CRKL: variants seen among roughly 807,000 people sequenced by gnomAD.
CRKL encodes crk-like protein.
Under a neutral mutation model 23.0 loss-of-function variants are expected in CRKL, and 3 were observed. That is an observed-to-expected ratio of 0.13 (90% CI 0.06 to 0.34). CRKL has a LOEUF of 0.34. Ranked by LOEUF, CRKL falls within the 10% of genes least tolerant of loss-of-function variation. CRKL has a pLI of 1.00. For synonymous variants in CRKL, 188 were observed against 160.7 expected, an observed-to-expected ratio of 1.17 and a Z score of -1.28; for missense variants, 256 against 394.5, an observed-to-expected ratio of 0.65 and a Z score of 2.97.
chr22:20,926,247 A>G (rs1204358027), intron 1 of CRKL, among the ~76,000 whole-genome samples: 2 of 152,240 alleles, frequency 1.3e-5, no homozygotes, highest in Non-Finnish European at 2.9e-5. Flanking sequence ...TGAGCTTAAC[A>G]ATGGGAGCCA....
At chr22:20,931,791 A>ATTTATT (rs1217551744) in intron 1 of CRKL, among the ~76,000 whole-genome samples, 2 of 152,056 alleles carry the variant, frequency 1.3e-5, no homozygotes, top group African/African-American at 4.8e-5. Context: ...CTTGCTAGCT[A>ATTTATT]TTTATTTTTA....
Position 20,951,876 on chromosome 22 carries a change from T to C in CRKL, c.*2031T>C, listed in dbSNP as rs1922293096. ...GTTTTCCTCTAAAAGCCTTGGAGAT[T>C]AGCCCTTCCTTGCCAGTGAGAACGG... On this transcript the variant is annotated 3_prime_UTR_variant, in exon 3 of 3. Transcript: ENST00000354336. 1.8e-5 allele frequency: 4 copies of C among 222,888 alleles called. 1 individual carries two copies. In the East Asian group the frequency reaches 2.6e-4, roughly 15 times the overall value. The allele number at this position is 222,888 out of a possible 1,614,324, so 13.8% of individuals were successfully genotyped here. A position where few individuals can be genotyped will look rare whatever the true frequency, so the allele number is the denominator to read the frequency against.
chr22:20,940,103 A>G (rs1319124132), intron 2 of CRKL, among the ~76,000 whole-genome samples: 2 of 152,106 alleles, frequency 1.3e-5, no homozygotes, highest in African/African-American at 4.8e-5. Context: ...GAATCTTTTA[A>G]AATCCTGGTT....
At chr22:20,922,411 T>C (rs1253312562) in intron 1 of CRKL, among the ~76,000 whole-genome samples, 1 of 152,106 alleles carries the variant, frequency 6.6e-6, no homozygotes. Flanking sequence ...TTATTTAAAG[T>C]GCTGTGGGCT....
At chr22:20,920,274 G>A (rs890527454) in intron 1 of CRKL, among the ~76,000 whole-genome samples, 11 of 152,084 alleles carry the variant, frequency 7.2e-5, no homozygotes, top group Non-Finnish European at 5.9e-5. Context: ...AAGCCAAGCC[G>A]GGCGAATCAC....
chr22:20,928,908 G>A (rs1049383978), intron 1 of CRKL, among the ~76,000 whole-genome samples: 1 of 151,612 alleles, frequency 6.6e-6, no homozygotes, highest in African/African-American at 2.4e-5. Flanking sequence ...GCATGCATAA[G>A]GAGATTTTAA....
intron 1 of CRKL, among the ~76,000 whole-genome samples, chr22:20,919,773 CTAAACTT>C (rs1486416506): frequency 6.6e-6 from 1 of 151,604 alleles, no homozygotes; most frequent in Non-Finnish European, 1.5e-5. Context: ...GGGTATTACT[CTAAACTT>C]TAAACATTAA....
chr22:20,948,719 C>CA (rs1652392369), intron 2 of CRKL, among the ~76,000 whole-genome samples: 1 of 152,130 alleles, frequency 6.6e-6, no homozygotes, highest in Admixed American at 6.5e-5. Flanking sequence ...CGGCTGGTCT[C>CA]AAACTCCTGG....
At chr22:20,933,728 C>G (rs1403230689) in intron 1 of CRKL, 51 bp from the exon 2 acceptor site, 1 of 1,463,218 alleles carries the variant, frequency 6.8e-7, no homozygotes, top group African/African-American at 1.4e-5. Flanking sequence ...TTGACAGGCA[C>G]TGGCTTAGAG....
At chr22:20,925,309 TTAGAC>T (rs1419822300) in intron 1 of CRKL, among the ~76,000 whole-genome samples, 1 of 151,836 alleles carries the variant, frequency 6.6e-6, no homozygotes, top group Non-Finnish European at 1.5e-5. Flanking sequence ...ATCTGAATGA[TTAGAC>T]TAGATTTCTG....
intron 1 of CRKL, 46 bp from the exon 2 acceptor site, chr22:20,933,733 T>C (rs1347332329): frequency 6.7e-7 from 1 of 1,501,518 alleles, no homozygotes; most frequent in Admixed American, 1.9e-5. Flanking sequence ...AGGCACTGGC[T>C]TAGAGTAAGA....
At chr22:20,949,465 G>A (rs1922187449) in intron 2 of CRKL, among the ~76,000 whole-genome samples, 1 of 152,176 alleles carries the variant, frequency 6.6e-6, no homozygotes, top group Non-Finnish European at 1.5e-5. Flanking sequence ...TAATGTGCAT[G>A]GTGGTGCACG....
Position 20,949,962 on chromosome 22 carries a change from T to C in CRKL, c.*117T>C, listed in dbSNP as rs747678003. ...ACTGCATTGCCGAAGTCCAGCTTTC[T>C]GCAGACTGGCAGTCGCACACACATT... On this transcript the variant is annotated 3_prime_UTR_variant, in exon 3 of 3. Coordinates refer to ENST00000354336, the MANE Select transcript of CRKL (RefSeq NM_005207.4). 1.1e-3 allele frequency: 1,518 copies of C among 1,364,468 alleles called. 8 individuals carry two copies. Among genetic ancestry groups the C allele is most frequent in the Non-Finnish European group, 1.4e-3 (1,407 of 1,016,126 alleles). The allele number at this position is 1,364,468 out of a possible 1,614,324, so 84.5% of individuals were successfully genotyped here. A position where few individuals can be genotyped will look rare whatever the true frequency, so the allele number is the denominator to read the frequency against.
rs1458220560 is a variant in CRKL, at chr22:20,950,930, G to C, written c.*1085G>C. 5 of 232,224 alleles carry C rather than the reference G, an allele frequency of 2.2e-5. No homozygotes were observed. Among genetic ancestry groups the C allele is most frequent in the Non-Finnish European group, 4.3e-5 (5 of 117,482 alleles). The allele number at this position is 232,224 out of a possible 1,614,324, so 14.4% of individuals were successfully genotyped here. On this transcript the variant is annotated 3_prime_UTR_variant, in exon 3 of 3. Transcript: ENST00000354336. ...ACACAAAATAATGCAGTTGTGGTGT[G>C]CCATGCTATGTGCACAGCCCCTTGG...
intron 1 of CRKL, among the ~76,000 whole-genome samples, chr22:20,929,712 C>T (rs1258719924): frequency 2.6e-5 from 4 of 152,080 alleles, no homozygotes; most frequent in Non-Finnish European, 5.9e-5. Context: ...CCACCTGCCT[C>T]GGCCTTCCAA....
rs2147905252 is a variant in CRKL at position 20,934,015 on chromosome 22, G to A, written c.548G>A (p.Arg183Lys). 3 of 1,614,182 alleles carry A rather than the reference G, an allele frequency of 1.9e-6. No individual in the cohort carries two copies. Among genetic ancestry groups the A allele is most frequent in the Non-Finnish European group, 2.5e-6 (3 of 1,180,042 alleles). The change falls in exon 2 of 3, where the codon AGA (arginine) becomes AAA (lysine). Residue 183 changes from arginine (R) to lysine (K), a missense_variant. This residue lies in a region of CRKL where 129 missense variants were observed against 222.1 expected (regional missense o/e 0.58). Transcript: ENST00000354336. ...IPVPYVEKLV[R>K]SSPHGKHGNR... ...GTCCCTTATGTCGAAAAGCTTGTGA[G>A]ATCCTCACCACACGGAAAGCATGGA...
rs925841084 is a variant in CRKL, at chr22:20,950,880, C to T, written c.*1035C>T. 5 of 231,678 alleles carry T rather than the reference C, an allele frequency of 2.2e-5. No homozygotes were observed. Among genetic ancestry groups the T allele is most frequent in the African/African-American group, 1.1e-4 (5 of 45,228 alleles). 14.4% of individuals were successfully genotyped at this position (231,678 alleles called of 1,614,324 possible). Reference sequence around the variant, plus strand: ...TTATTGTCTTGGTTGCCAGTAGTACCTTGTTTTGCCATGTAGCAGACAACA... The same window carrying T: ...TTATTGTCTTGGTTGCCAGTAGTACTTTGTTTTGCCATGTAGCAGACAACA... On this transcript the variant is annotated 3_prime_UTR_variant, in exon 3 of 3. Transcript: ENST00000354336.
chr22:20,917,942 C>T lies in CRKL; in HGVS notation c.8C>T (p.Ser3Phe), dbSNP rs1463139007. The change falls in exon 1 of 3, where the codon TCC (serine) becomes TTC (phenylalanine). Residue 3 changes from serine to phenylalanine, a missense_variant. Around this residue, in one of 3 missense-constraint regions of CRKL, gnomAD observed 85 missense variants for 139.8 expected, o/e 0.61. Coordinates refer to ENST00000354336, the MANE Select transcript of CRKL (RefSeq NM_005207.4). ...AGTCCCCGGTCCAACACCATGTCCT[C>T]CGCCAGGTTCGACTCCTCGGACCGC... is the stretch of plus-strand genomic sequence containing the variant. MS[S>F]ARFDSSDRSA... is the part of the protein sequence containing the mutation. The T allele has an allele frequency of 1.2e-6, 2 of 1,613,370 alleles. No homozygotes were observed. The highest frequency in any genetic ancestry group is 2.2e-5 in the South Asian group (2 of 91,004).
intron 1 of CRKL, among the ~76,000 whole-genome samples, chr22:20,927,962 G>A (rs1449410687): frequency 1.3e-5 from 2 of 151,120 alleles, no homozygotes; most frequent in Non-Finnish European, 2.9e-5. Flanking sequence ...AGGAGTTTAA[G>A]ACCAGCCTGG....
Sources: allele counts gnomAD v4.1 joint callset (sites outside exome capture counted in the v4.1 genomes callset), GRCh38; gene constraint gnomAD v4.1.1; regional missense constraint gnomAD v4.1.1; transcripts MANE v1.5; gene names NCBI Gene and HGNC (gene_info 2026-07-23, HGNC 2026-07-21).